Variants in GPR179 observed in about 807,000 individuals in gnomAD.
The protein encoded by GPR179 is probable G protein-coupled receptor 179.
GPR179 carries 52 observed loss-of-function variants against 70.8 expected under a neutral mutation model. The ratio of observed to expected loss-of-function variants is 0.73; its 90% CI spans 0.59 to 0.93. The LOEUF is 0.93. GPR179 is among the 40% of genes least tolerant of loss of function. GPR179 has a pLI of 0.00. For synonymous variants in GPR179, 1,123 were observed against 1,169.0 expected, an observed-to-expected ratio of 0.96 and a Z score of 0.80; for missense variants, 2,734 against 2,966.8, an observed-to-expected ratio of 0.92 and a Z score of 1.82.
At chr17:38,339,197 G>A in intron 2 of GPR179, 1 of 507,906 alleles carries the variant, frequency 2.0e-6, no homozygotes, top group East Asian at 3.4e-5. Flanking sequence ...AGGAATGAGG[G>A]CAGGAGCAGG....
chr17:38,340,369 T>C (rs550928739), intron 1 of GPR179, among the ~76,000 whole-genome samples: 1 of 152,324 alleles, frequency 6.6e-6, no homozygotes, highest in African/African-American at 2.4e-5. Context: ...CTTGAACTCC[T>C]GGGCCCAAGC....
chr17:38,326,307 T>C lies in GPR179; in HGVS notation c.*158A>G. ...CATTGGGGTCTAAGCTGTACCCTTT[T>C]CATGCAGTTTGTCTTTGGGATGGGT... On this transcript the variant is annotated 3_prime_UTR_variant, in exon 11 of 11. Coordinates refer to ENST00000616987, the MANE Select transcript of GPR179 (RefSeq NM_001004334.4). The C allele has an allele frequency of 1.7e-6, 1 of 605,610 alleles. No individual in the cohort carries two copies. The highest frequency in any genetic ancestry group is 2.9e-6 in the Non-Finnish European group (1 of 343,790). The allele number at this position is 605,610 out of a possible 1,614,324, so 37.5% of individuals were successfully genotyped here.
In GPR179 at chr17:38,331,449, T is replaced by A; in HGVS notation, c.2120A>T (p.Lys707Met). ...MAANNPHLPK[K>M]RGSSCQGLGR... is the part of the protein sequence containing the mutation. ...CAGTCCCTGGCATGAGCTGCCTCGC[T>A]TCTTGGGCAGGTGGGGGTTGTTTGC... The change falls in exon 11 of 11, where the codon AAG becomes ATG. Residue 707 changes from lysine to methionine, a missense_variant. Transcript: ENST00000616987. 6.2e-7 allele frequency: 1 copy of A among 1,614,194 alleles called. No individual in the cohort carries two copies. The highest frequency in any genetic ancestry group is 8.5e-7 in the Non-Finnish European group (1 of 1,180,016).
rs745676848 is a variant in GPR179, at chr17:38,337,172, A to G, written c.1033T>C (p.Phe345Leu). 31 of 1,612,898 alleles carry G rather than the reference A, an allele frequency of 1.9e-5. No homozygotes were observed. Among genetic ancestry groups the G allele is most frequent in the Non-Finnish European group, 2.6e-5 (31 of 1,179,656 alleles). ...AGTCTCCCAGATCTGCCTTCTGGGA[A>G]CCCGAATTGCCCGGTAGTCTGGAAG... ...SDFQTTGQFG[F>L]PEGRSGRLLQ... is the part of the protein sequence containing the mutation. The change falls in exon 4 of 11, where the codon TTC becomes CTC. Residue 345 changes from phenylalanine (F) to leucine (L), a missense_variant. By Grantham distance (22) the Phe-to-Leu change is conservative. Coordinates refer to ENST00000616987, the MANE Select transcript of GPR179 (RefSeq NM_001004334.4).
chr17:38,327,424 G>T lies in GPR179; in HGVS notation c.6145C>A (p.Pro2049Thr). The change falls in exon 11 of 11, where the codon CCA becomes ACA. Residue 2049 changes from proline (P) to threonine (T), a missense_variant. By Grantham distance (38) the Pro-to-Thr change is conservative. Transcript: ENST00000616987. ...GDSQEEKGRA[P>T]EKSEPKGVPV... is the part of the protein sequence containing the mutation. ...ACACCTTTTGGCTCTGATTTTTCTG[G>T]GGCTCTGCCTTTCTCTTCTTGAGAG... 6.2e-7 allele frequency: 1 copy of T among 1,614,156 alleles called. No individual in the cohort carries two copies. Among genetic ancestry groups the T allele is most frequent in the South Asian group, 1.1e-5 (1 of 91,078 alleles).
chr17:38,333,529 A>G (rs984791852), intron 9 of GPR179, 132 bp from the exon 10 acceptor site: 4 of 969,696 alleles, frequency 4.1e-6, no homozygotes, highest in Non-Finnish European at 4.5e-6. Flanking sequence ...AATTCTGGGG[A>G]TCTTTAGAGT....
At chr17:38,336,675 G>T (rs1020153256) in intron 4 of GPR179, among the ~76,000 whole-genome samples, 1 of 152,176 alleles carries the variant, frequency 6.6e-6, no homozygotes, top group Non-Finnish European at 1.5e-5. Context: ...TTATTTACAT[G>T]TCTGCTTCCT....
At position 38,329,720 on chromosome 17, in the gene GPR179, TG is replaced by T. The variant is rs748647695; in HGVS notation, c.3848del (p.Pro1283GlnfsTer18). On this transcript the variant is annotated frameshift_variant, in exon 11 of 11. Transcript: ENST00000616987. LOFTEE classifies it low-confidence loss of function (END_TRUNC). ...APESRALRQD[P>X]GDSQKKRGEA... Reference sequence around the variant, plus strand: ...CCCCTCTCTTTTTTTGGGAGTCACCTGGGTCTTGTCTTAGTGCCCTCGACTC... The same window carrying T: ...CCCCTCTCTTTTTTTGGGAGTCACCTGGTCTTGTCTTAGTGCCCTCGACTC... The T allele has an allele frequency of 3.1e-6, 5 of 1,614,100 alleles. No individual in the cohort carries two copies. Among genetic ancestry groups the T allele is most frequent in the Non-Finnish European group, 8.5e-7 (1 of 1,180,058 alleles).
intron 2 of GPR179, 27 bp from the exon 3 acceptor site, chr17:38,337,747 G>T: frequency 6.3e-7 from 1 of 1,584,352 alleles, no homozygotes; most frequent in Non-Finnish European, 8.7e-7. Flanking sequence ...CACAGTATGT[G>T]TTTATGTGGG....
rs1408221294 is a variant in GPR179 at position 38,328,305 on chromosome 17, G to T, written c.5264C>A (p.Thr1755Asn). The part of the protein sequence containing the change: ...VTAPEKPQKP[T>N]PEWEVACPWG... Reference sequence around the variant, plus strand: ...GGGACAAGCCACCTCCCACTCTGGGGTTGGCTTCTGTGGCTTCTCTGGAGC... The same window carrying T: ...GGGACAAGCCACCTCCCACTCTGGGTTTGGCTTCTGTGGCTTCTCTGGAGC... Residue 1755 changes from threonine to asparagine, a missense_variant, in exon 11 of 11, where the codon ACC (threonine) becomes AAC (asparagine). Transcript: ENST00000616987. 6.2e-7 allele frequency: 1 copy of T among 1,613,918 alleles called. No individual in the cohort carries two copies. Among genetic ancestry groups the T allele is most frequent in the East Asian group, 2.2e-5 (1 of 44,898 alleles).
At chr17:38,342,476 T>A (rs1280004022) in intron 1 of GPR179, among the ~76,000 whole-genome samples, 1 of 151,686 alleles carries the variant, frequency 6.6e-6, no homozygotes. Flanking sequence ...AGTAGCTGGG[T>A]TTACAGGTAC....
intron 2 of GPR179, among the ~76,000 whole-genome samples, chr17:38,339,109 G>T (rs2037428675): frequency 6.6e-6 from 1 of 152,156 alleles, no homozygotes; most frequent in Admixed American, 6.5e-5. Flanking sequence ...CTGAGGCTCA[G>T]GAAGTCACCC....
rs913084863 is a variant in GPR179, at chr17:38,325,421, A to C, written c.*1044T>G. On this transcript the variant is annotated 3_prime_UTR_variant, in exon 11 of 11. Transcript: ENST00000616987. ...CTTGAGCTCCTCTGGAAGGAGATTGATGTGGCCTCTTGTTACTGAGCAAGT... is the reference window on the plus strand; with the variant it reads ...CTTGAGCTCCTCTGGAAGGAGATTGCTGTGGCCTCTTGTTACTGAGCAAGT... The C allele has an allele frequency of 1.7e-5, 2 of 116,410 alleles. No homozygotes were observed. The highest frequency in any genetic ancestry group is 6.6e-5 in the African/African-American group (2 of 30,512). 7.2% of individuals were successfully genotyped at this position (116,410 alleles called of 1,614,324 possible).
In GPR179 at chr17:38,327,621, C is replaced by G; in HGVS notation, c.5948G>C (p.Ser1983Thr). 6.2e-7 allele frequency: 1 copy of G among 1,614,216 alleles called. No individual in the cohort carries two copies. The highest frequency in any genetic ancestry group is 8.5e-7 in the Non-Finnish European group (1 of 1,180,052). The change falls in exon 11 of 11, where the codon AGC (serine) becomes ACC (threonine). Residue 1983 changes from serine to threonine, a missense_variant. By Grantham distance (58) the Ser-to-Thr change is moderately conservative (BLOSUM62 1). Transcript: ENST00000616987. ...DRQRPDQPKASSQRLVSTGGR... is the reference protein window; with the variant it reads ...DRQRPDQPKATSQRLVSTGGR... ...CCCAGTGCTGACCAGTCTCTGGGAGCTAGCTTTAGGTTGGTCAGGGCGCTG... is the reference window on the plus strand; with the variant it reads ...CCCAGTGCTGACCAGTCTCTGGGAGGTAGCTTTAGGTTGGTCAGGGCGCTG...
chr17:38,334,028 C>A lies in GPR179; in HGVS notation c.1795G>T (p.Val599Phe). 1 of 1,613,240 alleles carries A rather than the reference C, an allele frequency of 6.2e-7. No individual in the cohort carries two copies. The highest frequency in any genetic ancestry group is 8.5e-7 in the Non-Finnish European group (1 of 1,179,364). Residue 599 changes from valine to phenylalanine, a missense_variant, in exon 9 of 11, where the codon GTT becomes TTT. Transcript: ENST00000616987. This position sits in a 1 kb window ranked among gnomAD's most constrained non-coding sequence, Gnocchi z 4.7. Reference protein sequence around the residue: ...AAFHTARFVLVPSLHPDWTLL... With the variant: ...AAFHTARFVLFPSLHPDWTLL... ...GTCCAGTCCGGGTGCAGAGAGGGAA[C>A]CAGCACAAACCTGGGGCGGGATAGG... is the stretch of plus-strand genomic sequence containing the variant.
Position 38,329,994 on chromosome 17 carries a change from G to C in GPR179, c.3575C>G (p.Ala1192Gly). ...AAGCCCTGTTTTACCTGCTCTCTCA[G>C]CTTTCCGTTCCCCTAGACCCTGGGT... ...RMTQGLGERK[A>G]ERAGKTGLAM... Residue 1192 changes from alanine (A) to glycine (G), a missense_variant, in exon 11 of 11, where the codon GCT becomes GGT. Ala to Gly is a moderately conservative substitution (Grantham distance 60, BLOSUM62 0). Transcript: ENST00000616987. 1 of 1,614,220 alleles carries C rather than the reference G, an allele frequency of 6.2e-7. No individual in the cohort carries two copies. Among genetic ancestry groups the C allele is most frequent in the Non-Finnish European group, 8.5e-7 (1 of 1,180,044 alleles).
Position 38,342,962 on chromosome 17 carries a change from A to G in GPR179, c.794+34T>C, listed in dbSNP as rs116438712. The G allele has an allele frequency of 2.3e-3, 3,523 of 1,550,672 alleles. 86 individuals are homozygous for G. The African/African-American group carries it at 0.042, about 19-fold the overall frequency. ...CTGTACTTCCTTCCCCTACATCCCCACACATGCATCAAATCCTGCACAAAC... is the reference window on the plus strand; with the variant it reads ...CTGTACTTCCTTCCCCTACATCCCCGCACATGCATCAAATCCTGCACAAAC... On this transcript the variant is annotated intron_variant, in intron 1 of 10. Transcript: ENST00000616987.
At position 38,330,029 on chromosome 17, in the gene GPR179, G is replaced by C; in HGVS notation, c.3540C>G (p.Gly1180=). The C allele has an allele frequency of 1.2e-6, 2 of 1,614,212 alleles. No individual in the cohort carries two copies. The highest frequency in any genetic ancestry group is 1.7e-6 in the Non-Finnish European group (2 of 1,180,034). Residue 1180 remains glycine (G), a synonymous_variant, in exon 11 of 11, where the codon GGC becomes GGG. Transcript: ENST00000616987. ...REGSREQEDR[G]RRMTQGLGER... ...CCCCTAGACCCTGGGTCATCCTCCT[G>C]CCTCTGTCTTCTTGTTCCCTGCTGC...
rs1484110833 is a variant in GPR179, at chr17:38,327,403, CT to C, written c.6165del (p.Gly2056ValfsTer56). 1 of 1,614,102 alleles carries C rather than the reference CT, an allele frequency of 6.2e-7. No individual in the cohort carries two copies. Among genetic ancestry groups the C allele is most frequent in the African/African-American group, 1.3e-5 (1 of 74,926 alleles). Reference sequence around the variant, plus strand: ...TCTGGCTTTTTCTGAACTGGCACACCTTTTGGCTCTGATTTTTCTGGGGCTC... The same window carrying C: ...TCTGGCTTTTTCTGAACTGGCACACCTTTGGCTCTGATTTTTCTGGGGCTC... ...KGRAPEKSEP[K>X]GVPVQKKPEM... On this transcript the variant is annotated frameshift_variant, in exon 11 of 11. Transcript: ENST00000616987. LOFTEE classifies it low-confidence loss of function (END_TRUNC).
Sources: gnomAD v4.1 joint callset for allele counts (sites outside exome capture counted in the v4.1 genomes callset) on GRCh38, gnomAD v4.1.1 for gene constraint, Gnocchi (gnomAD v3.1) non-coding constraint, MANE v1.5 for transcripts, NCBI Gene and HGNC (gene_info 2026-07-23, HGNC 2026-07-21) for gene names.